The following ABAT variants were observed in gnomAD, a reference collection of about 807,000 sequenced individuals.
The protein encoded by ABAT is 4-aminobutyrate aminotransferase, mitochondrial.
Under a neutral mutation model 64.6 loss-of-function variants are expected in ABAT, and 45 were observed. The ratio of observed to expected loss-of-function variants is 0.70; its 90% CI spans 0.55 to 0.89. ABAT has a LOEUF of 0.89. Ranked by LOEUF, ABAT falls within the 40% of genes least tolerant of loss-of-function variation. ABAT has a pLI of 0.00. For missense variants in ABAT, 633 were observed against 658.4 expected, an observed-to-expected ratio of 0.96 and a Z score of 0.42; for synonymous variants, 297 against 250.5, an observed-to-expected ratio of 1.19 and a Z score of -1.75.
At chr16:8,735,658 G>GGCA in intron 1 of ABAT, 41 bp from the exon 2 acceptor site, 3 of 1,490,360 alleles carry the variant, frequency 2.0e-6, no homozygotes, top group Non-Finnish European at 2.7e-6. Context: ...AGAGGGGAGT[G>GGCA]GTCTTCATGG....
intron 4 of ABAT, among the ~76,000 whole-genome samples, chr16:8,748,678 C>G (rs1470286330): frequency 3.6e-4 from 1 of 2,750 alleles, no homozygotes; most frequent in Non-Finnish European, 0.019. Context: ...CCCTTTGATT[C>G]TGTTTTTGTC....
At chr16:8,742,172 C>G (rs2059181429) in intron 2 of ABAT, among the ~76,000 whole-genome samples, 1 of 152,226 alleles carries the variant, frequency 6.6e-6, no homozygotes, top group Non-Finnish European at 1.5e-5. Context: ...ACCACCTCTC[C>G]CAGCTCCTGT....
At chr16:8,711,191 C>T (rs2058062349) in intron 1 of ABAT, among the ~76,000 whole-genome samples, 1 of 152,192 alleles carries the variant, frequency 6.6e-6, no homozygotes, top group Non-Finnish European at 1.5e-5. Flanking sequence ...CCTCTCCTGC[C>T]AGCAATGAAT....
chr16:8,735,452 A>G (rs1394487242), intron 1 of ABAT, among the ~76,000 whole-genome samples: 1 of 152,102 alleles, frequency 6.6e-6, no homozygotes, highest in African/African-American at 2.4e-5. Flanking sequence ...GGATCTTGCT[A>G]TGCTGCCCAG....
chr16:8,772,252 CTGTGTGTGTGTGTG>C (rs55677241), intron 11 of ABAT, among the ~76,000 whole-genome samples: 36,866 of 147,458 alleles, frequency 0.25, 4,962 homozygotes, highest in East Asian at 0.3. Flanking sequence ...CTCTCTGTCT[CTGTGTGTGTGTGTG>C]TGTGTGTGTG....
intron 2 of ABAT, among the ~76,000 whole-genome samples, chr16:8,739,317 A>C (rs992190572): frequency 2.6e-5 from 4 of 152,250 alleles, no homozygotes; most frequent in African/African-American, 7.2e-5. Flanking sequence ...CACATTAACC[A>C]AGTGAGCCTA....
Position 8,765,994 on chromosome 16 carries a change from T to C in ABAT, c.541-214T>C, listed in dbSNP as rs2059932534. 3 of 530,602 alleles carry C rather than the reference T, an allele frequency of 5.7e-6. No individual in the cohort carries two copies. In the Admixed American group the frequency reaches 8.5e-5, roughly 15 times the overall value. The allele number at this position is 530,602 out of a possible 1,614,324, so 32.9% of individuals were successfully genotyped here. A position where few individuals can be genotyped will look rare whatever the true frequency, so the allele number is the denominator to read the frequency against. ...TCCAACAGATCTTAATCGTTGCTGA[T>C]GGTGCTTAATGCATTATGTGTGTTA... On this transcript the variant is annotated intron_variant, in intron 8 of 15. Transcript: ENST00000268251.
At chr16:8,721,961 C>G (rs776080110) in intron 1 of ABAT, among the ~76,000 whole-genome samples, 1 of 152,232 alleles carries the variant, frequency 6.6e-6, no homozygotes, top group African/African-American at 2.4e-5. Context: ...AGGAATAGAA[C>G]TTACTTCAGG....
intron 11 of ABAT, among the ~76,000 whole-genome samples, chr16:8,771,490 A>G (rs998312457): frequency 2.5e-5 from 3 of 121,976 alleles, no homozygotes; most frequent in African/African-American, 8.1e-5. Context: ...TTTTTGAGAC[A>G]GAGTTTCACT....
In ABAT at chr16:8,772,910, C is replaced by T. The variant is rs555183419; in HGVS notation, c.947C>T (p.Ala316Val). Residue 316 changes from alanine to valine, a missense_variant, in exon 12 of 16, where the codon GCC becomes GTC. By Grantham distance (64) the Ala-to-Val change is moderately conservative. Coordinates refer to ENST00000268251, the MANE Select transcript of ABAT (RefSeq NM_020686.6). The stretch of plus-strand genomic sequence containing the variant: ...TTCTTTCGGAAGCTGAGAGACATCG[C>T]CAGGAAGGTCAGTGGACAGGGCCGA... The part of the protein sequence containing the change: ...DDFFRKLRDI[A>V]RKHGCAFLVD... 8.1e-6 allele frequency: 13 copies of T among 1,613,562 alleles called. No homozygotes were observed. The South Asian group carries it at 1.3e-4, about 16-fold the overall frequency.
intron 3 of ABAT, 75 bp from the exon 4 acceptor site, chr16:8,748,033 A>G: frequency 3.4e-6 from 5 of 1,455,038 alleles, no homozygotes; most frequent in Non-Finnish European, 3.8e-6. Flanking sequence ...AAGACTTGGG[A>G]AAACATGAAA....
At chr16:8,697,787 G>A (rs374709840) in intron 1 of ABAT, among the ~76,000 whole-genome samples, 13 of 151,746 alleles carry the variant, frequency 8.6e-5, no homozygotes, top group Non-Finnish European at 1.5e-4. Context: ...AGGTACAAGC[G>A]ACCACGCCCA....
chr16:8,771,200 C>A (rs2060095852), intron 11 of ABAT, among the ~76,000 whole-genome samples: 1 of 151,446 alleles, frequency 6.6e-6, no homozygotes, highest in African/African-American at 2.4e-5. Context: ...GAGGCCGAAG[C>A]AGGAGAATCA....
intron 1 of ABAT, among the ~76,000 whole-genome samples, chr16:8,702,516 G>A (rs2057847260): frequency 6.6e-6 from 1 of 152,086 alleles, no homozygotes; most frequent in African/African-American, 2.4e-5. Flanking sequence ...GCCTCCCAAA[G>A]TGCTGGGATT....
At chr16:8,721,658 A>G (rs1357313446) in intron 1 of ABAT, among the ~76,000 whole-genome samples, 1 of 152,202 alleles carries the variant, frequency 6.6e-6, no homozygotes, top group African/African-American at 2.4e-5. Context: ...AACAGTAAGT[A>G]AATAAATGGG....
chr16:8,729,977 A>C (rs532555886), intron 1 of ABAT, among the ~76,000 whole-genome samples: 1 of 152,256 alleles, frequency 6.6e-6, no homozygotes, highest in East Asian at 1.9e-4. Context: ...GTATCTGAGA[A>C]GGGGGAGGAA....
At chr16:8,692,097 G>A (rs958726251) in intron 1 of ABAT, among the ~76,000 whole-genome samples, 1 of 152,154 alleles carries the variant, frequency 6.6e-6, no homozygotes, top group Admixed American at 6.6e-5. Context: ...AGTAAAACGT[G>A]GGCCAGTCGC....
At chr16:8,741,280 C>T (rs1429785931) in intron 2 of ABAT, among the ~76,000 whole-genome samples, 1 of 152,224 alleles carries the variant, frequency 6.6e-6, no homozygotes, top group Non-Finnish European at 1.5e-5. Flanking sequence ...CAAAATTTGC[C>T]TTTAGGAGAA....
intron 1 of ABAT, among the ~76,000 whole-genome samples, chr16:8,695,219 G>T (rs557314384): frequency 4.6e-4 from 70 of 152,326 alleles, no homozygotes; most frequent in South Asian, 1.2e-3. Context: ...GGGAGAAAGT[G>T]CTGAGTCTAC....
Sources: gnomAD v4.1 joint callset for allele counts (sites outside exome capture counted in the v4.1 genomes callset) on GRCh38, gnomAD v4.1.1 for gene constraint, MANE v1.5 for transcripts, NCBI Gene and HGNC (gene_info 2026-07-23, HGNC 2026-07-21) for gene names.